Variants in COMT observed in about 807,000 individuals in gnomAD.
COMT encodes catechol O-methyltransferase.
Under a neutral mutation model 18.9 loss-of-function variants are expected in COMT, and 13 were observed. That is an observed-to-expected ratio of 0.69 (90% CI 0.45 to 1.09). The LOEUF (loss-of-function observed/expected upper bound fraction) is 1.09. Among genes scored for constraint, COMT ranks in the 50% least tolerant of loss-of-function variants. COMT has a pLI of 0.00. For synonymous variants in COMT, 150 were observed against 160.9 expected (o/e 0.93, Z 0.51); for missense variants, 329 against 361.8 (o/e 0.91, Z 0.73).
intron 4 of COMT, 184 bp downstream of exon 4, chr22:19,963,943 G>A (rs985488661): frequency 1.7e-6 from 2 of 1,149,484 alleles, no homozygotes; most frequent in Non-Finnish European, 2.5e-6. Flanking sequence ...CTCAGTGAGG[G>A]TCTCACAGCT....
intron 2 of COMT, chr22:19,961,710 A>T (rs939979553): frequency 6.6e-6 from 1 of 152,292 alleles, no homozygotes; most frequent in Non-Finnish European, 1.5e-5. Flanking sequence ...CTGTGACCTG[A>T]ACCCCTGGGC....
chr22:19,958,506 G>A lies in COMT; in HGVS notation c.-91-2693G>A, dbSNP rs892951007. On this transcript the variant is annotated intron_variant, in intron 1 of 5. Transcript: ENST00000361682. ...GAAGAACTACCAAACTGTTTTCCAC[G>A]GCATTCACACCAGCAATGCAAGAGG... is the stretch of plus-strand genomic sequence containing the variant. 8.0e-5 allele frequency among the ~76,000 whole-genome samples: 12 copies of A among 149,884 alleles called. No homozygotes were observed. The South Asian group carries it at 2.1e-3, about 26-fold the overall frequency.
chr22:19,966,436 TAA>T (rs362115), intron 5 of COMT, among the ~76,000 whole-genome samples: 91,140 of 135,316 alleles, frequency 0.67, 31,270 homozygotes, highest in Non-Finnish European at 0.77. Flanking sequence ...AGTTCCCCCT[TAA>T]AAAAAAAAAA....
chr22:19,942,674 G>A (rs1206114324), intron 1 of COMT, among the ~76,000 whole-genome samples: 2 of 152,208 alleles, frequency 1.3e-5, no homozygotes. Flanking sequence ...GCCCTGCAGA[G>A]CCCAGTGAGA....
At position 19,966,859 on chromosome 22, in the gene COMT, A is replaced by G. The variant is rs1248493640; in HGVS notation, c.616-1677A>G. ...AGGCTCCAACTCTTGAAGGGAGGAG[A>G]GTCTAAGGAGGGTGGGCCAGATGAA... On this transcript the variant is annotated intron_variant, in intron 5 of 5. Transcript: ENST00000361682. 4 of 813,794 alleles carry G rather than the reference A, an allele frequency of 4.9e-6. No individual in the cohort carries two copies. The East Asian group carries it at 3.7e-4, about 75-fold the overall frequency. The allele number at this position is 813,794 out of a possible 1,614,324, so 50.4% of individuals were successfully genotyped here. A position where few individuals can be genotyped will look rare whatever the true frequency, so the allele number is the denominator to read the frequency against.
intron 1 of COMT, among the ~76,000 whole-genome samples, chr22:19,956,733 A>C (rs1942072656): frequency 6.6e-6 from 1 of 151,622 alleles, no homozygotes; most frequent in South Asian, 2.1e-4. Context: ...CAGGTCATAT[A>C]ATTAGTTTAT....
Position 19,963,762 on chromosome 22 carries a change from G to A in COMT, c.483+3G>A. The A allele has an allele frequency of 6.2e-7, 1 of 1,609,706 alleles. No individual in the cohort carries two copies. The highest frequency in any genetic ancestry group is 8.5e-7 in the Non-Finnish European group (1 of 1,179,736). On this transcript the variant is annotated splice_donor_region_variant and intron_variant, in intron 4 of 5. Transcript: ENST00000361682. Reference sequence around the variant, plus strand: ...ATTTCGCTGGCGTGAAGGACAAGGTGTGCATGCCTGACCCGTTGTCAGACC... The same window carrying A: ...ATTTCGCTGGCGTGAAGGACAAGGTATGCATGCCTGACCCGTTGTCAGACC...
At chr22:19,960,721 C>T (rs1942174139) in intron 1 of COMT, among the ~76,000 whole-genome samples, 1 of 152,278 alleles carries the variant, frequency 6.6e-6, no homozygotes, top group Non-Finnish European at 1.5e-5. Flanking sequence ...GGGCTCTGGC[C>T]TTTGGCCTTT....
chr22:19,951,244 A>C (rs1303314139), intron 1 of COMT, among the ~76,000 whole-genome samples: 1 of 151,318 alleles, frequency 6.6e-6, no homozygotes, highest in Non-Finnish European at 1.5e-5. Context: ...CTATAGTCCC[A>C]GCTACTTGGG....
chr22:19,964,184 G>A lies in COMT; in HGVS notation c.500G>A (p.Gly167Glu), dbSNP rs1410929509. 6.2e-7 allele frequency: 1 copy of A among 1,613,980 alleles called. No individual in the cohort carries two copies. Among genetic ancestry groups the A allele is most frequent in the African/African-American group, 1.3e-5 (1 of 74,922 alleles). ...GVKDKVTLVV[G>E]ASQDIIPQLK... ...CTGTTCCAGGTCACCCTTGTGGTTG[G>A]AGCGTCCCAGGACATCATCCCCCAG... The change falls in exon 5 of 6, where the codon GGA becomes GAA. Residue 167 changes from glycine (G) to glutamate (E), a missense_variant. Transcript: ENST00000361682.
At position 19,941,834 on chromosome 22, in the gene COMT, G is replaced by A. The variant is rs1270432241; in HGVS notation, c.-155G>A. On this transcript the variant is annotated 5_prime_UTR_variant, in exon 1 of 6. Coordinates refer to ENST00000361682, the MANE Select transcript of COMT (RefSeq NM_000754.4). The stretch of plus-strand genomic sequence containing the variant: ...TGGGGCTTCTGGGGCAGCTAGGGCT[G>A]CCCGCCGCGCTGCCTGCGCCGGACC... The A allele has an allele frequency of 8.1e-6, 12 of 1,488,788 alleles. No homozygotes were observed. Among genetic ancestry groups the A allele is most frequent in the Admixed American group, 4.4e-5 (2 of 45,454 alleles). 92.2% of individuals were successfully genotyped at this position (1,488,788 alleles called of 1,614,324 possible).
At position 19,969,030 on chromosome 22, in the gene COMT, C is replaced by G. The variant is rs9332381; in HGVS notation, c.*294C>G. ...TAAGAATCTAAATATTTAGATATAA[C>G]TCGACTTAGTACATCCTTCTCAACT... On this transcript the variant is annotated 3_prime_UTR_variant, in exon 6 of 6. Coordinates refer to ENST00000361682, the MANE Select transcript of COMT (RefSeq NM_000754.4). The G allele has an allele frequency of 0.077, 22,786 of 297,176 alleles. 1,679 individuals are homozygous for G. The highest frequency in any genetic ancestry group is 0.24 in the African/African-American group (11,084 of 45,736). 18.4% of individuals were successfully genotyped at this position (297,176 alleles called of 1,614,324 possible). A position where few individuals can be genotyped will look rare whatever the true frequency, so the allele number is the denominator to read the frequency against.
chr22:19,963,943 G>T (rs985488661), intron 4 of COMT, 184 bp downstream of exon 4: 1 of 1,149,602 alleles, frequency 8.7e-7, no homozygotes, highest in Non-Finnish European at 1.3e-6. Context: ...CTCAGTGAGG[G>T]TCTCACAGCT....
At position 19,969,854 on chromosome 22, in the gene COMT, G is replaced by C. The variant is rs973655111; in HGVS notation, c.*1118G>C. The C allele has an allele frequency of 1.0e-6, 1 of 985,480 alleles. No homozygotes were observed. Among genetic ancestry groups the C allele is most frequent in the Non-Finnish European group, 1.2e-6 (1 of 829,934 alleles). The allele number at this position is 985,480 out of a possible 1,614,324, so 61.0% of individuals were successfully genotyped here. On this transcript the variant is annotated 3_prime_UTR_variant, in exon 6 of 6. Coordinates refer to ENST00000361682, the MANE Select transcript of COMT (RefSeq NM_000754.4). ...CGCAGAGGCCCGACACAAGGGAGAAGCCAGCCACTTGTGCCAGACCTGAGT... is the reference window on the plus strand; with the variant it reads ...CGCAGAGGCCCGACACAAGGGAGAACCCAGCCACTTGTGCCAGACCTGAGT...
At chr22:19,964,597 C>T in intron 5 of COMT, 1 of 607,420 alleles carries the variant, frequency 1.6e-6, no homozygotes, top group South Asian at 2.0e-5. Context: ...AGACCAGACA[C>T]CAGGGCAGAA....
rs1435060488 is a variant in COMT, at chr22:19,968,770, C to T, written c.*34C>T. 2 of 1,590,524 alleles carry T rather than the reference C, an allele frequency of 1.3e-6. No individual in the cohort carries two copies. Among genetic ancestry groups the T allele is most frequent in the East Asian group, 2.2e-5 (1 of 44,564 alleles). On this transcript the variant is annotated 3_prime_UTR_variant, in exon 6 of 6. Transcript: ENST00000361682. The stretch of plus-strand genomic sequence containing the variant: ...CCGGCCCCCCTCTCGGGCTCTCTCA[C>T]CCAGCCTGGTACTGAAGGTGCCAGA...
At chr22:19,962,085 G>A in intron 2 of COMT, 1 of 273,078 alleles carries the variant, frequency 3.7e-6, no homozygotes, top group South Asian at 4.0e-5. Context: ...TGAGGCCAAG[G>A]GGCTGCACCA....
At chr22:19,948,705 A>C (rs1941879208) in intron 1 of COMT, among the ~76,000 whole-genome samples, 2 of 152,112 alleles carry the variant, frequency 1.3e-5, no homozygotes, top group African/African-American at 4.8e-5. Flanking sequence ...CTATAATCCC[A>C]GCATTTTGGG....
chr22:19,963,291 G>T, intron 3 of COMT: 1 of 585,886 alleles, frequency 1.7e-6, no homozygotes, highest in Non-Finnish European at 3.0e-6. Flanking sequence ...CAGCCAGGAA[G>T]GGTGGAAAAG....
Sources: gnomAD v4.1 joint callset for allele counts (sites outside exome capture counted in the v4.1 genomes callset) on GRCh38, gnomAD v4.1.1 for gene constraint, MANE v1.5 for transcripts, NCBI Gene and HGNC (gene_info 2026-07-23, HGNC 2026-07-21) for gene names.